ZNF536: variants seen among roughly 807,000 people sequenced by gnomAD.
ZNF536 encodes zinc finger protein 536.
Under a neutral mutation model 84.5 loss-of-function variants are expected in ZNF536, and 13 were observed. The observed-to-expected ratio is 0.15, with a 90% confidence interval of 0.10 to 0.24. ZNF536 has a LOEUF of 0.24. Ranked by LOEUF, ZNF536 falls within the 10% of genes least tolerant of loss-of-function variation. The pLI is 1.00. For missense variants in ZNF536, 1,536 were observed against 1,747.5 expected (o/e 0.88, Z 2.16); for synonymous variants, 811 against 742.5 (o/e 1.09, Z -1.50).
At chr19:30,377,392 G>A in intron 1 of ZNF536, among the ~76,000 whole-genome samples, 1 of 152,138 alleles carries the variant, frequency 6.6e-6, no homozygotes, top group Admixed American at 6.5e-5. Flanking sequence ...TGATGTTACG[G>A]GAAAGAGGTA....
intron 1 of ZNF536, among the ~76,000 whole-genome samples, chr19:30,236,869 C>T (rs2023564594): frequency 6.6e-6 from 1 of 152,066 alleles, no homozygotes; most frequent in African/African-American, 2.4e-5. Context: ...TGTTCTTTGG[C>T]GATGGCTGTC....
chr19:30,521,241 G>T lies in ZNF536; in HGVS notation c.2171-13606G>T, dbSNP rs140829614. ...TCAGGCAGCATTAAAAGTGGCCCGT[G>T]TGTCTCCCTGTGTTGAGGAGGATTG... On this transcript the variant is annotated intron_variant, in intron 2 of 4. Coordinates refer to ENST00000355537, the MANE Select transcript of ZNF536 (RefSeq NM_014717.3). Among the ~76,000 whole-genome samples the T allele has an allele frequency of 9.2e-5, 14 of 152,340 alleles. No individual in the cohort carries two copies. The East Asian group carries it at 2.1e-3, about 23-fold the overall frequency.
intron 1 of ZNF536, among the ~76,000 whole-genome samples, chr19:30,283,566 C>A (rs2045527215): frequency 6.6e-6 from 1 of 152,178 alleles, no homozygotes; most frequent in Non-Finnish European, 1.5e-5. Context: ...GTTGCAGATT[C>A]CCATTCTGTA....
At chr19:30,566,115 G>A (rs143511950) in intron 1 of ZNF536, among the ~76,000 whole-genome samples, 8 of 152,314 alleles carry the variant, frequency 5.3e-5, no homozygotes, top group Non-Finnish European at 1.0e-4. Flanking sequence ...AAAATCAGTC[G>A]TGGCCTTTGG....
chr19:30,265,377 C>G (rs3888102), intron 1 of ZNF536, among the ~76,000 whole-genome samples: 1 of 152,160 alleles, frequency 6.6e-6, no homozygotes, highest in Admixed American at 6.5e-5. Flanking sequence ...TCCAACCTCC[C>G]GCTCCTGCAG....
rs1311201219 is a variant in ZNF536, at chr19:30,548,186, C to T, written c.2567C>T (p.Ser856Phe). 6.2e-7 allele frequency: 1 copy of T among 1,614,210 alleles called. No homozygotes were observed. Among genetic ancestry groups the T allele is most frequent in the South Asian group, 1.1e-5 (1 of 91,080 alleles). ...ATCGACTTCAGAGGAGGCCCTGCAT[C>T]TCAGCAGTGGACATCAGGGGTTCTC... Reference protein sequence around the residue: ...PGIDFRGGPASQQWTSGVLSS... With the variant: ...PGIDFRGGPAFQQWTSGVLSS... Residue 856 changes from serine (S) to phenylalanine (F), a missense_variant, in exon 4 of 5, where the codon TCT becomes TTT. Coordinates refer to ENST00000355537, the MANE Select transcript of ZNF536 (RefSeq NM_014717.3).
At chr19:30,350,479 T>C (rs139715999) in intron 2 of ZNF536, among the ~76,000 whole-genome samples, 1,909 of 152,332 alleles carry the variant, frequency 0.013, 36 homozygotes, top group African/African-American at 0.043. Context: ...AATTAATGTG[T>C]GCAATCAATT....
intron 1 of ZNF536, among the ~76,000 whole-genome samples, chr19:30,576,358 C>T (rs920283146): frequency 1.3e-5 from 2 of 152,168 alleles, no homozygotes; most frequent in African/African-American, 2.4e-5. Context: ...TCTCCTTCCC[C>T]CATCGTTCCT....
intron 3 of ZNF536, among the ~76,000 whole-genome samples, chr19:30,355,564 T>A (rs1309476060): frequency 1.3e-5 from 2 of 151,880 alleles, no homozygotes; most frequent in African/African-American, 4.8e-5. Context: ...ATTTTTGTAT[T>A]TTTTTTGTAT....
At chr19:30,637,229 C>T (rs547942106) in intron 1 of ZNF536, among the ~76,000 whole-genome samples, 1 of 152,188 alleles carries the variant, frequency 6.6e-6, no homozygotes. Flanking sequence ...GGAACCTTTC[C>T]CCATACAGGC....
chr19:30,613,125 T>C (rs1305250274), intron 1 of ZNF536, among the ~76,000 whole-genome samples: 1 of 152,240 alleles, frequency 6.6e-6, no homozygotes, highest in Non-Finnish European at 1.5e-5. Context: ...GTGCATCCGG[T>C]CAGGAGGAAC....
chr19:30,562,055 C>A (rs2046188910), downstream of ZNF536, among the ~76,000 whole-genome samples: 1 of 152,152 alleles, frequency 6.6e-6, no homozygotes, highest in African/African-American at 2.4e-5. Flanking sequence ...GCGGGCTGGT[C>A]TGGGGGAGAC....
intron 1 of ZNF536, among the ~76,000 whole-genome samples, chr19:30,690,711 A>C (rs920605390): frequency 6.6e-6 from 1 of 152,120 alleles, no homozygotes; most frequent in Non-Finnish European, 1.5e-5. Context: ...ACCCAGGCAC[A>C]TGACTGTCTT....
chr19:30,301,506 TCA>T (rs1474419607), intron 2 of ZNF536, among the ~76,000 whole-genome samples: 2 of 152,204 alleles, frequency 1.3e-5, no homozygotes, highest in East Asian at 3.8e-4. Context: ...CATTCCGTGT[TCA>T]CAGTTTGTGC....
chr19:30,652,182 C>G (rs1213147876), intron 1 of ZNF536, among the ~76,000 whole-genome samples: 1 of 152,170 alleles, frequency 6.6e-6, no homozygotes, highest in Non-Finnish European at 1.5e-5. Flanking sequence ...AAATATTTCT[C>G]AGAACCATTG....
chr19:30,387,128 AT>A (rs1250077845), intron 1 of ZNF536, among the ~76,000 whole-genome samples: 7 of 152,376 alleles, frequency 4.6e-5, no homozygotes, highest in African/African-American at 1.7e-4. Context: ...CACCGTTTTC[AT>A]GCTGAAGATC....
intron 1 of ZNF536, among the ~76,000 whole-genome samples, chr19:30,578,605 C>G (rs147515231): frequency 2.0e-5 from 3 of 152,262 alleles, no homozygotes; most frequent in Non-Finnish European, 4.4e-5. Flanking sequence ...GGGCACTGCT[C>G]ATGCAATGGA....
intron 4 of ZNF536, 82 bp downstream of exon 4, chr19:30,549,596 T>C: frequency 7.2e-7 from 1 of 1,389,688 alleles, no homozygotes; most frequent in Non-Finnish European, 9.4e-7. Flanking sequence ...TGAGGTAGAC[T>C]TATCCATGAG....
chr19:30,545,727 G>A (rs1394671294), intron 3 of ZNF536, among the ~76,000 whole-genome samples: 6 of 152,036 alleles, frequency 3.9e-5, no homozygotes, highest in Non-Finnish European at 8.8e-5. Flanking sequence ...TGTATCCATT[G>A]GAAATAGACA....
Sources: gnomAD v4.1 joint callset for allele counts (sites outside exome capture counted in the v4.1 genomes callset) on GRCh38, gnomAD v4.1.1 for gene constraint, MANE v1.5 for transcripts, NCBI Gene and HGNC (gene_info 2026-07-23, HGNC 2026-07-21) for gene names.